The following TANGO6 variants were observed in gnomAD, a reference collection of about 807,000 sequenced individuals.
TANGO6 encodes the protein transport and Golgi organization protein 6 homolog.
TANGO6 carries 90 observed loss-of-function variants against 114.2 expected under a neutral mutation model. The ratio of observed to expected loss-of-function variants is 0.79; its 90% CI spans 0.66 to 0.94. The LOEUF is 0.94. Among genes scored for constraint, TANGO6 ranks in the 40% least tolerant of loss-of-function variants. TANGO6 has a pLI of 0.00. For synonymous variants in TANGO6, 477 were observed against 509.8 expected (o/e 0.94, Z 0.87); for missense variants, 1,274 against 1,315.3 (o/e 0.97, Z 0.49).
At chr16:68,937,722 T>A (rs149949151) in intron 14 of TANGO6, 1 of 152,364 alleles carries the variant, frequency 6.6e-6, no homozygotes, top group East Asian at 1.9e-4. Context: ...ACTTCATTCC[T>A]TTTTATGACT....
At chr16:69,014,643 T>G (rs1025356765) in intron 15 of TANGO6, among the ~76,000 whole-genome samples, 1 of 151,966 alleles carries the variant, frequency 6.6e-6, no homozygotes, top group Non-Finnish European at 1.5e-5. Context: ...ACTTATAATC[T>G]CAGCACTTTG....
At chr16:68,981,462 C>T (rs995529962) in intron 15 of TANGO6, among the ~76,000 whole-genome samples, 7 of 152,126 alleles carry the variant, frequency 4.6e-5, no homozygotes, top group Admixed American at 2.0e-4. Context: ...CCACCTGCCT[C>T]GGCCTCCAAA....
At chr16:69,034,005 G>C (rs1478310174) in intron 16 of TANGO6, 2 of 153,022 alleles carry the variant, frequency 1.3e-5, no homozygotes, top group Non-Finnish European at 2.9e-5. Context: ...ACCCACACTG[G>C]CCACCGCACC....
intron 14 of TANGO6, among the ~76,000 whole-genome samples, chr16:68,967,839 G>A (rs1296570246): frequency 6.6e-6 from 1 of 152,058 alleles, no homozygotes; most frequent in Non-Finnish European, 1.5e-5. Flanking sequence ...AGACATTTTA[G>A]AATTAGACTG....
chr16:68,864,017 A>G (rs968225425), intron 3 of TANGO6, among the ~76,000 whole-genome samples: 1 of 151,726 alleles, frequency 6.6e-6, no homozygotes, highest in Admixed American at 6.6e-5. Context: ...TCTACGAAAA[A>G]TACAAAATTA....
intron 15 of TANGO6, among the ~76,000 whole-genome samples, chr16:69,010,665 A>G (rs535011355): frequency 4.6e-5 from 7 of 152,272 alleles, no homozygotes; most frequent in South Asian, 4.1e-4. Flanking sequence ...TCCCTCCTCC[A>G]TGAAATCTTC....
In TANGO6 at chr16:69,007,332, C is replaced by T. The variant is rs188988669; in HGVS notation, c.2843-15496C>T. 4.6e-3 allele frequency among the ~76,000 whole-genome samples: 677 copies of T among 147,430 alleles called. 8 individuals carry two copies. The highest frequency in any genetic ancestry group is 0.016 in the African/African-American group (654 of 39,672). On this transcript the variant is annotated intron_variant, in intron 15 of 17. Transcript: ENST00000261778. Reference sequence around the variant, plus strand: ...TCACCCAGGCTGGAGTGCAGTGGCACGATCTCGGCTCACTGCAACCTCTGC... The same window carrying T: ...TCACCCAGGCTGGAGTGCAGTGGCATGATCTCGGCTCACTGCAACCTCTGC...
intron 3 of TANGO6, 78 bp from the exon 4 acceptor site, chr16:68,866,983 TTTTTTTTTTTTTTTTTTA>T: frequency 1.9e-6 from 1 of 527,092 alleles, no homozygotes; most frequent in South Asian, 5.1e-5. Flanking sequence ...TCCTTTTTTT[TTTTTTTTTTTTTTTTTTA>T]CAGGCATGAG....
At chr16:68,999,299 G>A (rs1357881895) in intron 15 of TANGO6, among the ~76,000 whole-genome samples, 1 of 152,132 alleles carries the variant, frequency 6.6e-6, no homozygotes, top group Non-Finnish European at 1.5e-5. Flanking sequence ...TGTATCTCCT[G>A]GGCCTGTCAG....
intron 6 of TANGO6, among the ~76,000 whole-genome samples, chr16:68,878,994 T>G (rs1962414170): frequency 6.6e-6 from 1 of 152,124 alleles, no homozygotes; most frequent in Admixed American, 6.6e-5. Context: ...GAGGATCGCT[T>G]GAGCCTGGGA....
At chr16:69,066,757 G>A (rs1276759181) in intron 17 of TANGO6, among the ~76,000 whole-genome samples, 2 of 152,066 alleles carry the variant, frequency 1.3e-5, no homozygotes, top group Non-Finnish European at 2.9e-5. Flanking sequence ...AAGGTAGGTG[G>A]TTATATGTGC....
intron 3 of TANGO6, among the ~76,000 whole-genome samples, chr16:68,863,834 A>G (rs1355599039): frequency 1.3e-5 from 2 of 152,212 alleles, no homozygotes; most frequent in Non-Finnish European, 2.9e-5. Context: ...ATGTAGTAGT[A>G]TATATTCTGC....
chr16:69,044,579 C>G (rs2045064713), intron 17 of TANGO6, among the ~76,000 whole-genome samples: 1 of 152,014 alleles, frequency 6.6e-6, no homozygotes, highest in Admixed American at 6.6e-5. Flanking sequence ...GCTTTTCTGG[C>G]CTGAGGAACC....
At chr16:69,072,846 G>A (rs1043919008) in intron 17 of TANGO6, among the ~76,000 whole-genome samples, 2 of 151,968 alleles carry the variant, frequency 1.3e-5, no homozygotes, top group African/African-American at 4.8e-5. Context: ...CACGGAGAAA[G>A]AGCAGAATAC....
intron 17 of TANGO6, among the ~76,000 whole-genome samples, chr16:69,078,364 G>C (rs1227918976): frequency 6.6e-6 from 1 of 152,158 alleles, no homozygotes; most frequent in African/African-American, 2.4e-5. Context: ...TCTTCTTATA[G>C]CAAGTCCAAG....
chr16:68,909,133 G>C, intron 10 of TANGO6, 78 bp from the exon 11 acceptor site: 2 of 1,183,932 alleles, frequency 1.7e-6, no homozygotes, highest in Non-Finnish European at 2.2e-6. Context: ...AGTTCAAACA[G>C]AGTTTTCTGC....
intron 13 of TANGO6, 38 bp downstream of exon 13, chr16:68,928,121 G>GT: frequency 1.3e-6 from 2 of 1,508,766 alleles, no homozygotes; most frequent in Non-Finnish European, 8.8e-7. Context: ...TGGGCACAGG[G>GT]TGGGGCATTC....
chr16:69,065,098 G>T (rs1419216980), intron 17 of TANGO6, among the ~76,000 whole-genome samples: 1 of 152,182 alleles, frequency 6.6e-6, no homozygotes, highest in Non-Finnish European at 1.5e-5. Flanking sequence ...CTGCTGCTTT[G>T]TGCTATTTCA....
intron 14 of TANGO6, among the ~76,000 whole-genome samples, chr16:68,960,178 C>T (rs1033320123): frequency 2.6e-5 from 4 of 152,118 alleles, no homozygotes; most frequent in Non-Finnish European, 5.9e-5. Flanking sequence ...ATTTCTTACC[C>T]GTGATCAGCT....
Sources: allele counts gnomAD v4.1 joint callset (sites outside exome capture counted in the v4.1 genomes callset), GRCh38; gene constraint gnomAD v4.1.1; transcripts MANE v1.5; gene names NCBI Gene and HGNC (gene_info 2026-07-23, HGNC 2026-07-21).